The following FREM1 variants were observed in gnomAD, a reference collection of about 807,000 sequenced individuals.
FREM1 encodes FRAS1 related extracellular matrix 1, also known as FRAS1-related extracellular matrix protein 1.
A neutral mutation model predicts 210.1 loss-of-function variants in FREM1; 220 were observed. The ratio of observed to expected loss-of-function variants is 1.05; its 90% CI spans 0.94 to 1.17. The LOEUF is 1.17. Ranked by LOEUF, FREM1 falls within the 50% of genes most tolerant of loss-of-function variation. The pLI is 0.00. For synonymous variants in FREM1, 1,189 were observed against 980.2 expected (o/e 1.21, Z -3.98); for missense variants, 3,454 against 2,675.5 (o/e 1.29, Z -6.42).
In FREM1 at chr9:14,784,407, G is replaced by A. The variant is rs1282696257; in HGVS notation, c.4405C>T (p.His1469Tyr). ...DVVGQTVCYV[H>Y]KSKVTVSSDR... ...CTGGAGACAGTCACCTTGCTCTTGT[G>A]TACATAGCAAACTGTCTGCCCCACT... Residue 1469 changes from histidine (H) to tyrosine (Y), a missense_variant, in exon 24 of 37, where the codon CAC (histidine) becomes TAC (tyrosine). By Grantham distance (83) the His-to-Tyr change is moderately conservative. Transcript: ENST00000380880. 7.4e-6 allele frequency: 12 copies of A among 1,613,726 alleles called. No individual in the cohort carries two copies. The highest frequency in any genetic ancestry group is 1.3e-5 in the African/African-American group (1 of 74,898).
chr9:14,816,826 C>G lies in FREM1; in HGVS notation c.2592G>C (p.Leu864Phe), dbSNP rs1279031539. The change falls in exon 15 of 37, where the codon TTG becomes TTC. Residue 864 changes from leucine (L) to phenylalanine (F), a missense_variant. Transcript: ENST00000380880. ...GTEVLQDDLL[L>F]EVTDGTNSAE... Reference sequence around the variant, plus strand: ...CTGAATTTGTGCCATCGGTGACCTCCAAGAGTAGGTCATCCTGAAGAACTT... The same window carrying G: ...CTGAATTTGTGCCATCGGTGACCTCGAAGAGTAGGTCATCCTGAAGAACTT... 4.8e-6 allele frequency: 7 copies of G among 1,446,342 alleles called. No homozygotes were observed. The highest frequency in any genetic ancestry group is 6.5e-6 in the Non-Finnish European group (7 of 1,071,776). The allele number at this position is 1,446,342 out of a possible 1,614,324, so 89.6% of individuals were successfully genotyped here.
intron 21 of FREM1, 77 bp downstream of exon 21, chr9:14,797,421 C>T (rs1852635117): frequency 8.3e-7 from 1 of 1,206,696 alleles, no homozygotes; most frequent in African/African-American, 1.5e-5. Context: ...GGGAGACACA[C>T]ACACACCTGT....
At chr9:14,822,348 G>A (rs1056802613) in intron 13 of FREM1, among the ~76,000 whole-genome samples, 1 of 152,134 alleles carries the variant, frequency 6.6e-6, no homozygotes, top group Admixed American at 6.5e-5. Flanking sequence ...CCTTGGGCAG[G>A]TATAGAGATG....
In FREM1 at chr9:14,784,343, G is replaced by A. The variant is rs370415834; in HGVS notation, c.4442+27C>T. The A allele has an allele frequency of 2.5e-6, 4 of 1,601,156 alleles. No individual in the cohort carries two copies. The South Asian group carries it at 3.4e-5, about 13-fold the overall frequency. ...TCTGTAAGTATTAATCCAAAGAAGG[G>A]GTTTGAAAAGTTTCCATGGGGCTCA... On this transcript the variant is annotated intron_variant, in intron 24 of 36. Coordinates refer to ENST00000380880, the MANE Select transcript of FREM1 (RefSeq NM_001379081.2).
chr9:14,757,832 G>A (rs1336447174), intron 28 of FREM1, among the ~76,000 whole-genome samples: 1 of 152,156 alleles, frequency 6.6e-6, no homozygotes, highest in Non-Finnish European at 1.5e-5. Context: ...TGCTGGAAAA[G>A]GGGATTACCT....
rs1840565767 is a variant in FREM1 at position 14,737,304 on chromosome 9, A to G, written c.*92T>C. On this transcript the variant is annotated 3_prime_UTR_variant, in exon 37 of 37. Transcript: ENST00000380880. Reference sequence around the variant, plus strand: ...ATCACAAAGGTATACCCACTCAATCATAACAATTTGTTTTCTATGGAGCAA... The same window carrying G: ...ATCACAAAGGTATACCCACTCAATCGTAACAATTTGTTTTCTATGGAGCAA... The G allele has an allele frequency of 1.2e-5, 11 of 908,162 alleles. No homozygotes were observed. The South Asian group carries it at 1.5e-4, about 12-fold the overall frequency. 56.3% of individuals were successfully genotyped at this position (908,162 alleles called of 1,614,324 possible). A position where few individuals can be genotyped will look rare whatever the true frequency, so the allele number is the denominator to read the frequency against.
chr9:14,853,081 T>C (rs372241140), intron 5 of FREM1, among the ~76,000 whole-genome samples: 56 of 152,292 alleles, frequency 3.7e-4, no homozygotes, highest in African/African-American at 3.1e-4. Context: ...ACACCAAACA[T>C]TGGCACGGAG....
At position 14,746,467 on chromosome 9, in the gene FREM1, TC is replaced by T. The variant is rs1842448817; in HGVS notation, c.6139del (p.Asp2047MetfsTer21). 1.2e-6 allele frequency: 2 copies of T among 1,611,118 alleles called. No homozygotes were observed. Among genetic ancestry groups the T allele is most frequent in the South Asian group, 1.1e-5 (1 of 90,992 alleles). ...AWKAWSPQTK[D>X]VEDKSCPAGW... Reference sequence around the variant, plus strand: ...GGCTGGACAGGATTTGTCTTCCACATCCTGAAAAACAGTTGTCTGTGTTCAT... The same window carrying T: ...GGCTGGACAGGATTTGTCTTCCACATCTGAAAAACAGTTGTCTGTGTTCAT... On this transcript the variant is annotated frameshift_variant and splice_region_variant, in exon 35 of 37. Coordinates refer to ENST00000380880, the MANE Select transcript of FREM1 (RefSeq NM_001379081.2). LOFTEE classifies it high-confidence loss of function.
chr9:14,829,496 A>C (rs540455957), intron 10 of FREM1, among the ~76,000 whole-genome samples: 1 of 152,140 alleles, frequency 6.6e-6, no homozygotes, highest in African/African-American at 2.4e-5. Context: ...GGAGGGGCCC[A>C]ATGGTGTTTA....
intron 3 of FREM1, among the ~76,000 whole-genome samples, chr9:14,860,748 T>TGC (rs1829846553): frequency 8.4e-6 from 1 of 119,678 alleles, no homozygotes; most frequent in Admixed American, 8.7e-5. Flanking sequence ...CACATATATA[T>TGC]GCACATATAT....
rs200778244 is a variant in FREM1 at position 14,746,470 on chromosome 9, T to C, written c.6139-2A>G. On this transcript the variant is annotated splice_acceptor_variant, in intron 34 of 36. Transcript: ENST00000380880. LOFTEE classifies it high-confidence loss of function. ...TGGACAGGATTTGTCTTCCACATCC[T>C]GAAAAACAGTTGTCTGTGTTCATAT... 1.0e-4 allele frequency: 160 copies of C among 1,607,314 alleles called. No individual in the cohort carries two copies. Among genetic ancestry groups the C allele is most frequent in the Non-Finnish European group, 1.3e-4 (147 of 1,174,000 alleles).
At chr9:14,760,967 C>T (rs574761583) in intron 27 of FREM1, among the ~76,000 whole-genome samples, 1 of 152,150 alleles carries the variant, frequency 6.6e-6, no homozygotes, top group Non-Finnish European at 1.5e-5. Context: ...GCCTTTTATT[C>T]TAGATTTACA....
chr9:14,843,247 A>G (rs764847327), intron 8 of FREM1, among the ~76,000 whole-genome samples: 8 of 152,098 alleles, frequency 5.3e-5, no homozygotes, highest in Non-Finnish European at 1.0e-4. Context: ...GCCATCCTCT[A>G]ACACCCTCAT....
intron 22 of FREM1, 65 bp downstream of exon 22, chr9:14,792,678 T>C: frequency 1.7e-6 from 2 of 1,198,140 alleles, no homozygotes; most frequent in South Asian, 1.8e-5. Context: ...CATAGAAATG[T>C]GTATATTGAG....
intron 5 of FREM1, among the ~76,000 whole-genome samples, 171 bp downstream of exon 5, chr9:14,857,382 A>T (rs933891508): frequency 6.6e-6 from 1 of 152,212 alleles, no homozygotes; most frequent in African/African-American, 2.4e-5. Flanking sequence ...CTACTGTTTT[A>T]AGCACTTACT....
At chr9:14,774,147 G>A (rs768533000) in intron 25 of FREM1, 1 of 518,868 alleles carries the variant, frequency 1.9e-6, no homozygotes, top group Non-Finnish European at 3.8e-6. Context: ...GACTGCCAAG[G>A]ACTCATCCAG....
intron 20 of FREM1, 38 bp from the exon 21 acceptor site, chr9:14,797,680 G>A: frequency 1.3e-6 from 2 of 1,550,528 alleles, no homozygotes; most frequent in Non-Finnish European, 1.8e-6. Context: ...TCTTCCTTAT[G>A]ATTGAACCAT....
At chr9:14,781,412 T>C (rs146762237) in intron 24 of FREM1, among the ~76,000 whole-genome samples, 49 of 152,322 alleles carry the variant, frequency 3.2e-4, no homozygotes, top group African/African-American at 1.0e-3. Flanking sequence ...TGAAACCATA[T>C]TTTTGCCATA....
intron 23 of FREM1, 44 bp from the exon 24 acceptor site, chr9:14,784,678 C>A (rs1456047028): frequency 7.1e-7 from 1 of 1,412,178 alleles, no homozygotes; most frequent in African/African-American, 1.4e-5. Context: ...TATCAAAAAA[C>A]ACATTATGTC....
Sources: gnomAD v4.1 joint callset for allele counts (sites outside exome capture counted in the v4.1 genomes callset) on GRCh38, gnomAD v4.1.1 for gene constraint, MANE v1.5 for transcripts, NCBI Gene and HGNC (gene_info 2026-07-23, HGNC 2026-07-21) for gene names.